PARD3B: variants seen among roughly 807,000 people sequenced by gnomAD.
The protein encoded by PARD3B is partitioning defective 3 homolog B.
A neutral mutation model predicts 130.2 loss-of-function variants in PARD3B; 103 were observed. That is an observed-to-expected ratio of 0.79 (90% CI 0.67 to 0.93). The LOEUF (loss-of-function observed/expected upper bound fraction) is 0.93. PARD3B is among the 40% of genes least tolerant of loss of function. The probability of loss-of-function intolerance (pLI) is 0.00; values close to 1 mark genes in which losing one functional copy is unlikely to be tolerated. For missense variants in PARD3B, 1,609 were observed against 1,499.2 expected, an observed-to-expected ratio of 1.07 and a Z score of -1.21; for synonymous variants, 583 against 553.2, an observed-to-expected ratio of 1.05 and a Z score of -0.76.
chr2:204,976,753 C>G (rs576713012), intron 3 of PARD3B, among the ~76,000 whole-genome samples: 1 of 151,644 alleles, frequency 6.6e-6, no homozygotes, highest in African/African-American at 2.4e-5. Flanking sequence ...ACTAGAGGTG[C>G]GGGCCATCAC....
chr2:205,162,365 G>A (rs981842786), intron 11 of PARD3B, among the ~76,000 whole-genome samples: 3 of 152,200 alleles, frequency 2.0e-5, no homozygotes, highest in Admixed American at 6.5e-5. Flanking sequence ...GCTCTTCATA[G>A]GCCCCTCTGA....
At chr2:205,345,441 C>T (rs1574761567) in intron 18 of PARD3B, among the ~76,000 whole-genome samples, 1 of 152,114 alleles carries the variant, frequency 6.6e-6, no homozygotes, top group South Asian at 2.1e-4. Context: ...AAAGAAAGGT[C>T]AGAAAAAACA....
chr2:204,917,095 A>G (rs960027802), intron 2 of PARD3B, among the ~76,000 whole-genome samples: 35 of 152,222 alleles, frequency 2.3e-4, no homozygotes, highest in African/African-American at 8.0e-4. Flanking sequence ...TGGAGTAGAG[A>G]GGGAAGTTAG....
rs944702638 is a variant in PARD3B, at chr2:205,558,410, T to G, written c.3260+5007T>G. 6.6e-6 allele frequency among the ~76,000 whole-genome samples: 1 copy of G among 152,164 alleles called. No homozygotes were observed. The highest frequency in any genetic ancestry group is 1.5e-5 in the Non-Finnish European group (1 of 68,034). ...TCTCAGGACCGGGCAGTGCTGAACA[T>G]GCAACTACCAGACTTATACCTGAGC... On this transcript the variant is annotated intron_variant, in intron 22 of 22. Transcript: ENST00000406610. The surrounding 1 kb of genome is among the most constrained non-coding windows in gnomAD (Gnocchi z 4.8).
rs934777678 is a variant in PARD3B, at chr2:204,890,431, G to A, written c.223-74721G>A. On this transcript the variant is annotated intron_variant, in intron 2 of 22. Coordinates refer to ENST00000406610, the MANE Select transcript of PARD3B (RefSeq NM_001302769.2). This position sits in a 1 kb window ranked among gnomAD's most constrained non-coding sequence, Gnocchi z 4.9. The stretch of plus-strand genomic sequence containing the variant: ...TTTGCCTCCACATTCAAGGGTGGGA[G>A]TATCTCAGTTGATGAAATATATGCT... Among the ~76,000 whole-genome samples the A allele has an allele frequency of 6.6e-6, 1 of 152,142 alleles. No individual in the cohort carries two copies. The highest frequency in any genetic ancestry group is 2.4e-5 in the African/African-American group (1 of 41,412).
intron 3 of PARD3B, among the ~76,000 whole-genome samples, chr2:205,043,741 A>G (rs558230358): frequency 6.6e-6 from 1 of 151,342 alleles, no homozygotes; most frequent in South Asian, 2.1e-4. Context: ...TATCTTCAGT[A>G]CTCCTAATTA....
In PARD3B at chr2:205,473,626, C is replaced by T. The variant is rs1489407226; in HGVS notation, c.3045-26270C>T. Among the ~76,000 whole-genome samples, 1 of 143,134 alleles carries T rather than the reference C, an allele frequency of 7.0e-6. No homozygotes were observed. The highest frequency in any genetic ancestry group is 2.6e-5 in the African/African-American group (1 of 38,874). The allele number at this position is 143,134 out of a possible 152,430, so 93.9% of individuals were successfully genotyped here. A position where few individuals can be genotyped will look rare whatever the true frequency, so the allele number is the denominator to read the frequency against. On this transcript the variant is annotated intron_variant, in intron 20 of 22. Coordinates refer to ENST00000406610, the MANE Select transcript of PARD3B (RefSeq NM_001302769.2). This position sits in a 1 kb window ranked among gnomAD's most constrained non-coding sequence, Gnocchi z 4.9. ...GTACTAACTGAAATGCTTCTTTCTT[C>T]TATGTTTCCCAATATAAGGTTATAT...
At chr2:205,512,145 A>G (rs1168628977) in intron 21 of PARD3B, among the ~76,000 whole-genome samples, 2 of 152,168 alleles carry the variant, frequency 1.3e-5, no homozygotes, top group African/African-American at 2.4e-5. Flanking sequence ...TTTGAATACG[A>G]TTGTAACGAC....
intron 2 of PARD3B, among the ~76,000 whole-genome samples, chr2:204,728,720 A>G (rs1302822354): frequency 3.3e-5 from 5 of 152,232 alleles, no homozygotes; most frequent in Non-Finnish European, 5.9e-5. Flanking sequence ...AGTGAGTTGC[A>G]TAAATCACAT....
At chr2:205,476,479 TG>T (rs1219265462) in intron 20 of PARD3B, among the ~76,000 whole-genome samples, 3 of 152,164 alleles carry the variant, frequency 2.0e-5, no homozygotes, top group African/African-American at 7.2e-5. Flanking sequence ...AGCCCTAAAC[TG>T]TAGCAGTGAA....
chr2:204,844,318 A>T lies in PARD3B; in HGVS notation c.223-120834A>T, dbSNP rs75455487. Reference sequence around the variant, plus strand: ...CCACTACGATTAAATTGTAGCAGGAAAAAAAACTATGAAATAGACTCATTC... The same window carrying T: ...CCACTACGATTAAATTGTAGCAGGATAAAAAACTATGAAATAGACTCATTC... On this transcript the variant is annotated intron_variant, in intron 2 of 22. Transcript: ENST00000406610. Among the ~76,000 whole-genome samples the T allele has an allele frequency of 1.1e-4, 17 of 152,302 alleles. 1 individual carries two copies. The East Asian group carries it at 3.3e-3, about 29-fold the overall frequency.
At chr2:204,962,518 C>G (rs1306084834) in intron 2 of PARD3B, among the ~76,000 whole-genome samples, 3 of 152,112 alleles carry the variant, frequency 2.0e-5, no homozygotes, top group Non-Finnish European at 4.4e-5. Context: ...TTTCCATGCA[C>G]TAGATTCTTT....
intron 19 of PARD3B, among the ~76,000 whole-genome samples, chr2:205,422,929 A>G (rs1297338226): frequency 6.6e-6 from 1 of 152,126 alleles, no homozygotes; most frequent in Non-Finnish European, 1.5e-5. Flanking sequence ...AACAAATGAA[A>G]CATCCTCATT....
intron 21 of PARD3B, among the ~76,000 whole-genome samples, chr2:205,529,827 T>G (rs1303499352): frequency 6.6e-6 from 1 of 152,156 alleles, no homozygotes; most frequent in Non-Finnish European, 1.5e-5. Context: ...TTCATTTGAG[T>G]AGAGAACAGA....
At chr2:204,953,921 A>G (rs1270438894) in intron 2 of PARD3B, among the ~76,000 whole-genome samples, 2 of 152,190 alleles carry the variant, frequency 1.3e-5, no homozygotes, top group African/African-American at 4.8e-5. Context: ...AAGACTGTCT[A>G]TGATTAGAGA....
intron 1 of PARD3B, chr2:204,558,260 C>G (rs1165251424): frequency 3.9e-5 from 6 of 152,180 alleles, no homozygotes; most frequent in African/African-American, 1.4e-4. Flanking sequence ...TGAGTTGTCC[C>G]TGTTTGCAGA....
chr2:205,037,506 G>T (rs1698077661), intron 3 of PARD3B, among the ~76,000 whole-genome samples: 1 of 146,874 alleles, frequency 6.8e-6, no homozygotes, highest in South Asian at 2.1e-4. Flanking sequence ...ATATATAGTG[G>T]ACTATATATA....
At chr2:204,790,072 G>A (rs1370588324) in intron 2 of PARD3B, among the ~76,000 whole-genome samples, 3 of 152,092 alleles carry the variant, frequency 2.0e-5, no homozygotes, top group Admixed American at 6.5e-5. Context: ...GGGTTTCACC[G>A]TGTTAGCCAG....
At chr2:205,157,043 CA>C (rs2034215618) in intron 10 of PARD3B, among the ~76,000 whole-genome samples, 1 of 152,170 alleles carries the variant, frequency 6.6e-6, no homozygotes, top group Non-Finnish European at 1.5e-5. Flanking sequence ...CTCTGATAGA[CA>C]AAAGCCAGAG....
Sources: allele counts gnomAD v4.1 joint callset (sites outside exome capture counted in the v4.1 genomes callset), GRCh38; gene constraint gnomAD v4.1.1; non-coding constraint Gnocchi (gnomAD v3.1); transcripts MANE v1.5; gene names NCBI Gene and HGNC (gene_info 2026-07-23, HGNC 2026-07-21).